Variants in RAPGEF6 observed in about 807,000 individuals in gnomAD.
RAPGEF6 encodes Rap guanine nucleotide exchange factor 6.
RAPGEF6 carries 56 observed loss-of-function variants against 171.4 expected under a neutral mutation model. That is an observed-to-expected ratio of 0.33 (90% CI 0.26 to 0.41). The LOEUF (loss-of-function observed/expected upper bound fraction) is 0.41. RAPGEF6 is among the 10% of genes least tolerant of loss of function. The pLI, the probability that RAPGEF6 is intolerant of heterozygous loss-of-function variation, is 1.00. For missense variants in RAPGEF6, 1,674 were observed against 1,921.4 expected (o/e 0.87, Z 2.41); for synonymous variants, 692 against 650.1 (o/e 1.06, Z -0.98).
At chr5:131,619,401 T>A (rs1362957641) in intron 1 of RAPGEF6, among the ~76,000 whole-genome samples, 4 of 152,152 alleles carry the variant, frequency 2.6e-5, no homozygotes, top group Non-Finnish European at 5.9e-5. Context: ...CAAACCACCA[T>A]GGCATGTGTA....
chr5:131,552,541 AC>A (rs1760983586), intron 5 of RAPGEF6, among the ~76,000 whole-genome samples: 1 of 151,790 alleles, frequency 6.6e-6, no homozygotes, highest in Admixed American at 6.6e-5. Flanking sequence ...GCCCACTGCA[AC>A]CTTCACCTCC....
At chr5:131,458,047 C>T (rs1753641411) in intron 19 of RAPGEF6, among the ~76,000 whole-genome samples, 1 of 152,090 alleles carries the variant, frequency 6.6e-6, no homozygotes, top group Middle Eastern at 3.2e-3. Flanking sequence ...ACTTAAGGAT[C>T]CCATTCATAA....
Position 131,427,187 on chromosome 5 carries a change from A to G in RAPGEF6, c.*79T>C. On this transcript the variant is annotated 3_prime_UTR_variant, in exon 28 of 28. Transcript: ENST00000509018. ...TTGTAGCAATGAGCTGTTCGTTAGC[A>G]ATGGCCTGCAGAATCATGAGGTGGT... The G allele has an allele frequency of 2.2e-6, 3 of 1,346,844 alleles. No individual in the cohort carries two copies. The highest frequency in any genetic ancestry group is 3.2e-6 in the Non-Finnish European group (3 of 937,084). The allele number at this position is 1,346,844 out of a possible 1,614,324, so 83.4% of individuals were successfully genotyped here.
intron 14 of RAPGEF6, among the ~76,000 whole-genome samples, chr5:131,490,751 TAAA>T (rs757555826): frequency 2.6e-5 from 4 of 152,124 alleles, no homozygotes; most frequent in Non-Finnish European, 5.9e-5. Flanking sequence ...ATCTGTTCCT[TAAA>T]AAAGTACTAA....
chr5:131,428,552 C>A (rs1249247550), intron 27 of RAPGEF6, among the ~76,000 whole-genome samples: 1 of 151,996 alleles, frequency 6.6e-6, no homozygotes, highest in Non-Finnish European at 1.5e-5. Flanking sequence ...TCTCTGCCTC[C>A]CAGGTTCAAG....
At chr5:131,486,358 T>G (rs1198799351) in intron 15 of RAPGEF6, among the ~76,000 whole-genome samples, 1 of 152,218 alleles carries the variant, frequency 6.6e-6, no homozygotes, top group Non-Finnish European at 1.5e-5. Flanking sequence ...TTATAGTTTT[T>G]CATATTTAGT....
At chr5:131,483,348 C>CAAAA (rs10637299) in intron 15 of RAPGEF6, among the ~76,000 whole-genome samples, 33 of 121,908 alleles carry the variant, frequency 2.7e-4, no homozygotes, top group East Asian at 7.5e-4. Flanking sequence ...GACTCTGTCT[C>CAAAA]AAAAAAAAAA....
chr5:131,559,266 T>C (rs1486774143), intron 5 of RAPGEF6, among the ~76,000 whole-genome samples: 1 of 151,966 alleles, frequency 6.6e-6, no homozygotes, highest in Non-Finnish European at 1.5e-5. Context: ...GAGACAGAGG[T>C]TGCAGTGAGC....
At chr5:131,622,161 C>T (rs1185506828) in intron 1 of RAPGEF6, among the ~76,000 whole-genome samples, 1 of 152,034 alleles carries the variant, frequency 6.6e-6, no homozygotes, top group African/African-American at 2.4e-5. Context: ...ACACCAGGCA[C>T]TTGTGACACT....
chr5:131,455,635 T>C (rs1213402065), intron 20 of RAPGEF6, among the ~76,000 whole-genome samples, 166 bp downstream of exon 20: 2 of 152,176 alleles, frequency 1.3e-5, no homozygotes, highest in Non-Finnish European at 2.9e-5. Flanking sequence ...ATTAAACTAA[T>C]TAACAAATAT....
intron 8 of RAPGEF6, among the ~76,000 whole-genome samples, chr5:131,508,978 T>A (rs1405470875): frequency 1.3e-5 from 2 of 152,216 alleles, no homozygotes; most frequent in South Asian, 2.1e-4. Flanking sequence ...CTGTATTATA[T>A]CTTTAGAATG....
chr5:131,504,769 T>G lies in RAPGEF6; in HGVS notation c.1111A>C (p.Ile371Leu). Residue 371 changes from isoleucine (I) to leucine (L), a missense_variant, in exon 11 of 28, where the codon ATA becomes CTA. Physicochemically the swap from Ile to Leu is conservative, Grantham distance 5. Transcript: ENST00000509018. ...ATTCTCCAATAATCTTGCTGGGCTA[T>G]GCAGACAAACTGTCCAAGAACAACA... The part of the protein sequence containing the change: ...TKVDDCQFVC[I>L]AQQDYWRILN... The G allele has an allele frequency of 6.2e-7, 1 of 1,611,724 alleles. No homozygotes were observed. Among genetic ancestry groups the G allele is most frequent in the Non-Finnish European group, 8.5e-7 (1 of 1,178,916 alleles).
chr5:131,561,710 T>C (rs1761615432), intron 5 of RAPGEF6, among the ~76,000 whole-genome samples: 1 of 150,902 alleles, frequency 6.6e-6, no homozygotes. Context: ...GGTCCCCTTT[T>C]AAAACTTCTA....
At chr5:131,567,508 C>A (rs1762026844) in intron 4 of RAPGEF6, among the ~76,000 whole-genome samples, 1 of 152,258 alleles carries the variant, frequency 6.6e-6, no homozygotes, top group Admixed American at 6.5e-5. Flanking sequence ...TTGAAGTCTT[C>A]CTTGGTCTAT....
At chr5:131,514,837 T>C (rs924470804) in intron 7 of RAPGEF6, among the ~76,000 whole-genome samples, 1 of 152,162 alleles carries the variant, frequency 6.6e-6, no homozygotes, top group African/African-American at 2.4e-5. Context: ...AGAAGACTCA[T>C]CCCCAGCCTT....
intron 6 of RAPGEF6, among the ~76,000 whole-genome samples, chr5:131,528,387 G>A (rs1759133773): frequency 7.4e-6 from 1 of 135,272 alleles, no homozygotes; most frequent in Non-Finnish European, 1.5e-5. Context: ...CCTGTTTTAT[G>A]GAATTTACCA....
intron 14 of RAPGEF6, among the ~76,000 whole-genome samples, chr5:131,490,671 A>C (rs1464760246): frequency 6.6e-6 from 1 of 152,016 alleles, no homozygotes; most frequent in Non-Finnish European, 1.5e-5. Flanking sequence ...TCACTGTGGG[A>C]AAAAAATGTT....
At chr5:131,490,789 A>C (rs1756228335) in intron 14 of RAPGEF6, among the ~76,000 whole-genome samples, 1 of 152,204 alleles carries the variant, frequency 6.6e-6, no homozygotes, top group Admixed American at 6.5e-5. Context: ...ACAACTGTGA[A>C]ATGAGTTGAA....
chr5:131,591,118 C>T (rs1199243201), intron 4 of RAPGEF6, among the ~76,000 whole-genome samples: 1 of 152,122 alleles, frequency 6.6e-6, no homozygotes, highest in East Asian at 1.9e-4. Context: ...GGCATGACTT[C>T]TAAAATGATA....
Sources: gnomAD v4.1 joint callset for allele counts (sites outside exome capture counted in the v4.1 genomes callset) on GRCh38, gnomAD v4.1.1 for gene constraint, MANE v1.5 for transcripts, NCBI Gene and HGNC (gene_info 2026-07-23, HGNC 2026-07-21) for gene names.